MRRF: variants seen among roughly 807,000 people sequenced by gnomAD.
MRRF encodes the protein ribosome-recycling factor, mitochondrial.
A neutral mutation model predicts 25.1 loss-of-function variants in MRRF; 18 were observed. That is an observed-to-expected ratio of 0.72 (90% confidence interval 0.50 to 1.06). The LOEUF is 1.06. Ranked by LOEUF, MRRF falls within the 50% of genes least tolerant of loss-of-function variation. The pLI is 0.00. For missense variants in MRRF, 323 were observed against 319.3 expected (o/e 1.01, Z -0.09); for synonymous variants, 113 against 112.1 (o/e 1.01, Z -0.05).
Position 122,291,843 on chromosome 9 carries a change from AAGTTT to A in MRRF, c.551+4_551+8del. Reference sequence around the variant, plus strand: ...CTAATTCGGGTACCCATTCCCCAGTAAGTTTGGCTGAAATTCACATATTTTGATGA... The same window carrying A: ...CTAATTCGGGTACCCATTCCCCAGTAGGCTGAAATTCACATATTTTGATGA... On this transcript the variant is annotated splice_donor_5th_base_variant and intron_variant, in intron 5 of 6. Transcript: ENST00000344641. The A allele has an allele frequency of 6.2e-7, 1 of 1,609,072 alleles. No homozygotes were observed. Among genetic ancestry groups the A allele is most frequent in the Non-Finnish European group, 8.5e-7 (1 of 1,175,324 alleles).
intron 6 of MRRF, among the ~76,000 whole-genome samples, chr9:122,317,087 T>TAA (rs1554824497): frequency 2.9e-4 from 43 of 150,406 alleles, no homozygotes; most frequent in African/African-American, 9.5e-4. Flanking sequence ...TATATATATA[T>TAA]AAATCTTTGT....
intron 5 of MRRF, 81 bp downstream of exon 5, chr9:122,291,921 C>A: frequency 1.1e-6 from 1 of 936,500 alleles, no homozygotes; most frequent in Non-Finnish European, 1.8e-6. Context: ...CCCTACTATA[C>A]CGTTAGGCCA....
intron 5 of MRRF, among the ~76,000 whole-genome samples, chr9:122,297,697 T>C (rs1350591234): frequency 6.6e-6 from 1 of 152,162 alleles, no homozygotes; most frequent in African/African-American, 2.4e-5. Flanking sequence ...GGGACCGTAA[T>C]TGGGAAAGAA....
rs1836217460 is a variant in MRRF at position 122,329,059 on chromosome 9, C to G, written c.*6442C>G. The G allele has an allele frequency of 6.6e-6, 1 of 152,194 alleles. No homozygotes were observed. 9.4% of individuals were successfully genotyped at this position (152,194 alleles called of 1,614,324 possible). A position where few individuals can be genotyped will look rare whatever the true frequency, so the allele number is the denominator to read the frequency against. ...ACCTGAAACAGCTTTTATCATGTCA[C>G]TCTTCTCTCAGAAACCTTCATTGGT... On this transcript the variant is annotated 3_prime_UTR_variant, in exon 7 of 7. Transcript: ENST00000344641.
intron 5 of MRRF, among the ~76,000 whole-genome samples, chr9:122,310,537 A>T (rs1835138596): frequency 6.6e-6 from 1 of 152,216 alleles, no homozygotes; most frequent in Non-Finnish European, 1.5e-5. Flanking sequence ...AAATCTCAAG[A>T]TAGAAGTGTT....
intron 5 of MRRF, among the ~76,000 whole-genome samples, chr9:122,299,437 T>G (rs1251678259): frequency 1.3e-5 from 2 of 151,944 alleles, no homozygotes; most frequent in African/African-American, 4.8e-5. Flanking sequence ...TTGTCCATGT[T>G]TATTTTCAGG....
chr9:122,271,189 A>C, intron 2 of MRRF, 114 bp downstream of exon 2: 1 of 920,620 alleles, frequency 1.1e-6, no homozygotes, highest in Admixed American at 1.7e-5. Flanking sequence ...AACATGAGGA[A>C]ATGGTGCCTC....
At chr9:122,289,862 T>C (rs931850470) in intron 4 of MRRF, among the ~76,000 whole-genome samples, 7 of 151,738 alleles carry the variant, frequency 4.6e-5, no homozygotes, top group Non-Finnish European at 1.5e-5. Context: ...ACTCCATCTC[T>C]ATAAAAAATA....
rs910095834 is a variant in MRRF at position 122,326,882 on chromosome 9, C to T, written c.*4265C>T. On this transcript the variant is annotated 3_prime_UTR_variant, in exon 7 of 7. Transcript: ENST00000344641. Reference sequence around the variant, plus strand: ...AGGTTCAGAAAGGATATTTAACTTGCCCAAGGTCACACAGGTAGTAAGTGC... The same window carrying T: ...AGGTTCAGAAAGGATATTTAACTTGTCCAAGGTCACACAGGTAGTAAGTGC... 2 of 152,114 alleles carry T rather than the reference C, an allele frequency of 1.3e-5. No homozygotes were observed. The highest frequency in any genetic ancestry group is 2.4e-5 in the African/African-American group (1 of 41,416). 9.4% of individuals were successfully genotyped at this position (152,114 alleles called of 1,614,324 possible).
At chr9:122,318,473 G>A (rs1328379002) in intron 6 of MRRF, among the ~76,000 whole-genome samples, 2 of 152,242 alleles carry the variant, frequency 1.3e-5, no homozygotes, top group African/African-American at 4.8e-5. Flanking sequence ...TGCTAGCAGA[G>A]CTAAAGGAGG....
chr9:122,280,660 G>A (rs1833048869), intron 3 of MRRF, 62 bp downstream of exon 3: 1 of 1,561,042 alleles, frequency 6.4e-7, no homozygotes, highest in Non-Finnish European at 8.8e-7. Flanking sequence ...GTTTGGCAGA[G>A]TTGAGTTTTA....
intron 5 of MRRF, among the ~76,000 whole-genome samples, chr9:122,298,976 A>C (rs1834265768): frequency 6.6e-6 from 1 of 152,162 alleles, no homozygotes; most frequent in South Asian, 2.1e-4. Context: ...CCATGCCTAT[A>C]TCCAGCACTG....
In MRRF at chr9:122,331,271, G is replaced by T. The variant is rs1427213853; in HGVS notation, c.*8654G>T. On this transcript the variant is annotated 3_prime_UTR_variant, in exon 7 of 7. Transcript: ENST00000344641. ...ATAAAAGTGTTAATTTAAATTAACG[G>T]ACTATTACCTATTCTTAGAGCTTTC... The T allele has an allele frequency of 6.6e-6, 1 of 152,158 alleles. No homozygotes were observed. The highest frequency in any genetic ancestry group is 6.5e-5 in the Admixed American group (1 of 15,280). 9.4% of individuals were successfully genotyped at this position (152,158 alleles called of 1,614,324 possible). A position where few individuals can be genotyped will look rare whatever the true frequency, so the allele number is the denominator to read the frequency against.
At chr9:122,302,274 C>T (rs1161363652) in intron 5 of MRRF, among the ~76,000 whole-genome samples, 1 of 152,158 alleles carries the variant, frequency 6.6e-6, no homozygotes, top group Non-Finnish European at 1.5e-5. Context: ...CCAGTTATAA[C>T]CACAATCCAT....
chr9:122,308,673 T>G, intron 5 of MRRF, among the ~76,000 whole-genome samples: 1 of 127,442 alleles, frequency 7.8e-6, no homozygotes, highest in Non-Finnish European at 1.6e-5. Context: ...CACTCCAGCC[T>G]GGGTGACAGA....
At chr9:122,295,441 C>G (rs1000159453) in intron 5 of MRRF, among the ~76,000 whole-genome samples, 9 of 149,796 alleles carry the variant, frequency 6.0e-5, no homozygotes, top group African/African-American at 9.8e-5. Flanking sequence ...TTCTTAAGAT[C>G]AGTTTCCTTT....
chr9:122,284,600 CT>C (rs1833269433), intron 3 of MRRF, among the ~76,000 whole-genome samples: 1 of 152,126 alleles, frequency 6.6e-6, no homozygotes, highest in African/African-American at 2.4e-5. Flanking sequence ...TCTAAAAGCC[CT>C]GTCACAGAAA....
intron 2 of MRRF, among the ~76,000 whole-genome samples, chr9:122,277,446 A>G (rs893672773): frequency 6.6e-6 from 1 of 152,204 alleles, no homozygotes; most frequent in Non-Finnish European, 1.5e-5. Flanking sequence ...ATATTCAGCT[A>G]GATTTTTAAA....
At chr9:122,322,312 G>A (rs1835937552) in intron 6 of MRRF, among the ~76,000 whole-genome samples, 2 of 151,700 alleles carry the variant, frequency 1.3e-5, no homozygotes, top group Admixed American at 6.6e-5. Flanking sequence ...GCAGTGAGCC[G>A]AGATTGCACC....
Sources: allele counts gnomAD v4.1 joint callset (sites outside exome capture counted in the v4.1 genomes callset), GRCh38; gene constraint gnomAD v4.1.1; transcripts MANE v1.5; gene names NCBI Gene and HGNC (gene_info 2026-07-23, HGNC 2026-07-21).